SBF2: variants seen among roughly 807,000 people sequenced by gnomAD.
SBF2 encodes the protein SET binding factor 2.
Under a neutral mutation model 225.2 loss-of-function variants are expected in SBF2, and 112 were observed. The ratio of observed to expected loss-of-function variants is 0.50; its 90% CI spans 0.43 to 0.58. SBF2 has a LOEUF of 0.58. Among genes scored for constraint, SBF2 ranks in the 20% least tolerant of loss-of-function variants. The pLI is 0.00. For synonymous variants in SBF2, 763 were observed against 773.3 expected (o/e 0.99, Z 0.22); for missense variants, 1,996 against 2,206.2 (o/e 0.90, Z 1.91).
intron 1 of SBF2, among the ~76,000 whole-genome samples, chr11:10,263,093 C>A (rs181977506): frequency 3.2e-4 from 48 of 152,126 alleles, no homozygotes; most frequent in African/African-American, 1.1e-3. Flanking sequence ...CATTTAGAAT[C>A]TTAAAATCTC....
chr11:9,929,579 GA>G, intron 16 of SBF2, among the ~76,000 whole-genome samples: 1 of 152,256 alleles, frequency 6.6e-6, no homozygotes, highest in South Asian at 2.1e-4. Flanking sequence ...GAGATAAACC[GA>G]AAACTGCAAG....
At chr11:10,119,506 A>C (rs1953329671) in intron 2 of SBF2, among the ~76,000 whole-genome samples, 1 of 152,178 alleles carries the variant, frequency 6.6e-6, no homozygotes, top group East Asian at 1.9e-4. Flanking sequence ...AAGGTCAAAA[A>C]TAGATTCAAA....
At chr11:9,853,403 A>G (rs901662999) in intron 20 of SBF2, 137 bp downstream of exon 20, 4 of 774,874 alleles carry the variant, frequency 5.2e-6, no homozygotes, top group Non-Finnish European at 8.5e-6. Flanking sequence ...CAACAATTTA[A>G]AAACATTTTA....
chr11:9,957,215 C>G (rs146026682), intron 16 of SBF2: 1 of 152,312 alleles, frequency 6.6e-6, no homozygotes, highest in East Asian at 1.9e-4. Flanking sequence ...AACATGTCGT[C>G]TGTTAACTGA....
At chr11:10,235,853 A>G (rs548301944) in intron 1 of SBF2, among the ~76,000 whole-genome samples, 1 of 152,298 alleles carries the variant, frequency 6.6e-6, no homozygotes, top group Admixed American at 6.5e-5. Flanking sequence ...GGATCACCTG[A>G]GCCCAAGAGT....
chr11:10,185,705 G>C (rs989913844), intron 2 of SBF2, among the ~76,000 whole-genome samples: 16 of 151,130 alleles, frequency 1.1e-4, no homozygotes, highest in African/African-American at 3.6e-4. Flanking sequence ...AATAATTGGT[G>C]ATGTTAGCAT....
intron 16 of SBF2, among the ~76,000 whole-genome samples, chr11:9,913,697 A>G (rs1444604978): frequency 6.6e-6 from 1 of 150,848 alleles, no homozygotes; most frequent in African/African-American, 2.4e-5. Flanking sequence ...TGAGATGTGG[A>G]AAAAACCAAA....
At chr11:10,131,811 T>C (rs1954070611) in intron 2 of SBF2, among the ~76,000 whole-genome samples, 1 of 152,206 alleles carries the variant, frequency 6.6e-6, no homozygotes, top group African/African-American at 2.4e-5. Flanking sequence ...TTTATCCTAG[T>C]CTTTTCATTC....
At position 10,031,132 on chromosome 11, in the gene SBF2, C is replaced by T. The variant is rs757678568; in HGVS notation, c.318G>A (p.Val106=). 5.6e-6 allele frequency: 9 copies of T among 1,613,468 alleles called. 1 individual carries two copies. The highest frequency in any genetic ancestry group is 8.5e-7 in the Non-Finnish European group (1 of 1,179,708). The change falls in exon 4 of 40, where the codon GTG becomes GTA. Residue 106 remains valine (V), a synonymous_variant. Transcript: ENST00000256190. ...KKEEIEGEAK[V]SGLIQPAEVF... Reference sequence around the variant, plus strand: ...CTTCTGCAGGCTGAATTAAACCAGACACTTTTGCTTCACCTTCAATCTCTT... The same window carrying T: ...CTTCTGCAGGCTGAATTAAACCAGATACTTTTGCTTCACCTTCAATCTCTT...
At chr11:9,885,056 G>C (rs1860148023) in intron 17 of SBF2, among the ~76,000 whole-genome samples, 1 of 151,690 alleles carries the variant, frequency 6.6e-6, no homozygotes, top group African/African-American at 2.4e-5. Context: ...TTCGAGACTA[G>C]CCTGGCCAAC....
chr11:10,222,909 T>C (rs1591249085), intron 1 of SBF2, among the ~76,000 whole-genome samples: 1 of 152,256 alleles, frequency 6.6e-6, no homozygotes, highest in Non-Finnish European at 1.5e-5. Flanking sequence ...GATAATGTCC[T>C]TTAGGCAATA....
intron 17 of SBF2, among the ~76,000 whole-genome samples, chr11:9,861,773 G>A (rs1221524680): frequency 6.6e-6 from 1 of 152,116 alleles, no homozygotes; most frequent in Admixed American, 6.5e-5. Flanking sequence ...CTTCCAAAGT[G>A]CTGGGATAGG....
At chr11:10,287,779 C>T (rs1210567578) in intron 1 of SBF2, among the ~76,000 whole-genome samples, 1 of 152,228 alleles carries the variant, frequency 6.6e-6, no homozygotes, top group African/African-American at 2.4e-5. Flanking sequence ...CTCAGACCTG[C>T]TAGCCTCATT....
At chr11:9,854,248 C>G (rs905483122) in intron 19 of SBF2, among the ~76,000 whole-genome samples, 3 of 152,210 alleles carry the variant, frequency 2.0e-5, no homozygotes, top group Non-Finnish European at 2.9e-5. Flanking sequence ...GGATTTATCA[C>G]TCTCTGAGTT....
At position 10,238,302 on chromosome 11, in the gene SBF2, G is replaced by A. The variant is rs554304166; in HGVS notation, c.56-44315C>T. On this transcript the variant is annotated intron_variant, in intron 1 of 39. Coordinates refer to ENST00000256190, the MANE Select transcript of SBF2 (RefSeq NM_030962.4). ...CGCACACCGGCAATCCCAGCTACTC[G>A]GGAGGCTGAGGTGGGAGGACTGCCT... Among the ~76,000 whole-genome samples, 11 of 152,112 alleles carry A rather than the reference G, an allele frequency of 7.2e-5. No homozygotes were observed. In the South Asian group the frequency reaches 1.9e-3, roughly 26 times the overall value.
chr11:9,781,753 G>T, intron 38 of SBF2, 115 bp from the exon 39 acceptor site: 3 of 1,220,800 alleles, frequency 2.5e-6, no homozygotes, highest in Non-Finnish European at 3.6e-6. Context: ...GCTGAACTAT[G>T]CCTCGAAGAA....
At chr11:10,108,076 C>T (rs749770705) in intron 2 of SBF2, among the ~76,000 whole-genome samples, 4 of 152,184 alleles carry the variant, frequency 2.6e-5, no homozygotes, top group African/African-American at 7.2e-5. Context: ...TGAAAGTATA[C>T]GCTTTGTGAC....
intron 2 of SBF2, among the ~76,000 whole-genome samples, chr11:10,095,921 A>T (rs1223976733): frequency 6.6e-6 from 1 of 152,214 alleles, no homozygotes; most frequent in Non-Finnish European, 1.5e-5. Context: ...TCAGAAGAAC[A>T]TACCTAAATA....
intron 16 of SBF2, among the ~76,000 whole-genome samples, chr11:9,920,020 C>T (rs1337690949): frequency 6.6e-6 from 1 of 152,046 alleles, no homozygotes; most frequent in Non-Finnish European, 1.5e-5. Context: ...GTGTGAGCCA[C>T]CATGCCCGGC....
Sources: allele counts gnomAD v4.1 joint callset (sites outside exome capture counted in the v4.1 genomes callset), GRCh38; gene constraint gnomAD v4.1.1; transcripts MANE v1.5; gene names NCBI Gene and HGNC (gene_info 2026-07-23, HGNC 2026-07-21).